Variants in TMC6 observed in about 807,000 individuals in gnomAD.
The protein encoded by TMC6 is transmembrane channel like 6.
Under a neutral mutation model 95.4 loss-of-function variants are expected in TMC6, and 71 were observed. That is an observed-to-expected ratio of 0.74 (90% CI 0.61 to 0.91). TMC6 has a LOEUF of 0.91. TMC6 is among the 40% of genes least tolerant of loss of function. The pLI, the probability that TMC6 is intolerant of heterozygous loss-of-function variation, is 0.00. For missense variants in TMC6, 1,074 were observed against 1,079.1 expected (o/e 1.00, Z 0.07); for synonymous variants, 514 against 483.1 (o/e 1.06, Z -0.84).
At chr17:78,117,146 T>C (rs1407528211) in intron 18 of TMC6, 123 bp downstream of exon 18, 14 of 1,025,264 alleles carry the variant, frequency 1.4e-5, no homozygotes, top group Admixed American at 9.7e-5. Flanking sequence ...GGTCACTTGT[T>C]TGGCAAACAA....
chr17:78,115,904 G>A (rs1042057609), intron 18 of TMC6, among the ~76,000 whole-genome samples: 5 of 149,220 alleles, frequency 3.4e-5, no homozygotes, highest in Non-Finnish European at 4.5e-5. Context: ...GAAGGGAGTG[G>A]GCACAGGGGC....
upstream of TMC6, among the ~76,000 whole-genome samples, chr17:78,130,410 G>T (rs537266433): frequency 1.3e-5 from 2 of 152,200 alleles, no homozygotes; most frequent in African/African-American, 2.4e-5. Context: ...CTCAGGCCTC[G>T]AGGTCAAGTC....
Position 78,124,795 on chromosome 17 carries a change from CAG to C in TMC6, c.634-16_634-15del. ...GCTGTGCAAGGCCTGCGGGCACAGG[CAG>C]AGAGGCCCTGAGGGTGAGGCCGGAG... is the stretch of plus-strand genomic sequence containing the variant. On this transcript the variant is annotated splice_polypyrimidine_tract_variant and intron_variant, in intron 7 of 19. Coordinates refer to ENST00000590602, the MANE Select transcript of TMC6 (RefSeq NM_001127198.5). 6.3e-7 allele frequency: 1 copy of C among 1,579,252 alleles called. No homozygotes were observed. The highest frequency in any genetic ancestry group is 1.3e-5 in the African/African-American group (1 of 74,362).
intron 1 of TMC6, among the ~76,000 whole-genome samples, chr17:78,127,720 A>T (rs1468151119): frequency 6.6e-6 from 1 of 152,190 alleles, no homozygotes; most frequent in Admixed American, 6.5e-5. Flanking sequence ...TCAGGAACTC[A>T]GGGCTCAAAG....
chr17:78,131,624 C>G, upstream of TMC6: 1 of 1,551,956 alleles, frequency 6.4e-7, no homozygotes, highest in Non-Finnish European at 8.7e-7. Flanking sequence ...CGGAGCGGGC[C>G]CCTGGGGTGC....
chr17:78,107,767 C>G lies in TMC6; in HGVS notation c.*5381G>C, dbSNP rs2073727396. 1 of 152,246 alleles carries G rather than the reference C, an allele frequency of 6.6e-6. No individual in the cohort carries two copies. Among genetic ancestry groups the G allele is most frequent in the South Asian group, 2.1e-4 (1 of 4,830 alleles). The allele number at this position is 152,246 out of a possible 1,614,324, so 9.4% of individuals were successfully genotyped here. On this transcript the variant is annotated 3_prime_UTR_variant, in exon 20 of 20. Transcript: ENST00000590602. ...TAACTTCTGTTGTCTGGGACGGCAG[C>G]AAGAAGATGCCGGGGCTTGCCTGGA...
In TMC6 at chr17:78,121,822, C is replaced by A. The variant is rs2074430151; in HGVS notation, c.1228-111G>T. The A allele has an allele frequency of 7.2e-7, 1 of 1,385,534 alleles. No homozygotes were observed. The highest frequency in any genetic ancestry group is 9.5e-7 in the Non-Finnish European group (1 of 1,048,334). The allele number at this position is 1,385,534 out of a possible 1,614,324, so 85.8% of individuals were successfully genotyped here. On this transcript the variant is annotated intron_variant, in intron 10 of 19. Transcript: ENST00000590602. The surrounding 1 kb of genome is among the most constrained non-coding windows in gnomAD (Gnocchi z 5.6). ...CATGAGACACACCAGGAGGCTTGAA[C>A]CAGGACAGAGGGCCAGTTCCCCATG... is the stretch of plus-strand genomic sequence containing the variant.
intron 9 of TMC6, among the ~76,000 whole-genome samples, chr17:78,123,444 C>G (rs1481521898): frequency 7.0e-6 from 1 of 143,784 alleles, no homozygotes; most frequent in Non-Finnish European, 1.5e-5. Flanking sequence ...GATGGATGTG[C>G]GAATGGATGG....
In TMC6 at chr17:78,124,438, C is replaced by T. The variant is rs550576299; in HGVS notation, c.891+86G>A. 6.9e-6 allele frequency: 11 copies of T among 1,585,914 alleles called. No individual in the cohort carries two copies. The East Asian group carries it at 2.5e-4, about 36-fold the overall frequency. On this transcript the variant is annotated intron_variant, in intron 8 of 19. Coordinates refer to ENST00000590602, the MANE Select transcript of TMC6 (RefSeq NM_001127198.5). ...ACAGCGGGGCAAGGGTTGGGGGCCC[C>T]AGGGGAGCTGGGACAAGAAGGGAAC...
Position 78,112,307 on chromosome 17 carries a change from T to C in TMC6, c.*841A>G, listed in dbSNP as rs1598811271. ...GCAGACCTGGAGCCCTGGGCTGTCA[T>C]GGGCTGGTCCCTGCAGACCTGGAGC... On this transcript the variant is annotated 3_prime_UTR_variant, in exon 20 of 20. Coordinates refer to ENST00000590602, the MANE Select transcript of TMC6 (RefSeq NM_001127198.5). 18 of 229,298 alleles carry C rather than the reference T, an allele frequency of 7.9e-5. No individual in the cohort carries two copies. The highest frequency in any genetic ancestry group is 6.9e-4 in the South Asian group (17 of 24,738). The allele number at this position is 229,298 out of a possible 1,614,324, so 14.2% of individuals were successfully genotyped here. A position where few individuals can be genotyped will look rare whatever the true frequency, so the allele number is the denominator to read the frequency against.
At chr17:78,123,519 G>A (rs1159505499) in intron 9 of TMC6, among the ~76,000 whole-genome samples, 2 of 151,184 alleles carry the variant, frequency 1.3e-5, no homozygotes. Flanking sequence ...CTGAGTGGAT[G>A]GATGGGTGGG....
intron 13 of TMC6, 151 bp from the exon 14 acceptor site, chr17:78,119,543 GGGACCCCACCAGGT>G: frequency 2.5e-6 from 2 of 808,392 alleles, no homozygotes; most frequent in Non-Finnish European, 4.2e-6. Context: ...ACCAGCCTGG[GGGACCCCACCAGGT>G]GCTTGGTCAC....
rs61739261 is a variant in TMC6 at position 78,121,066 on chromosome 17, G to A, written c.1482C>T (p.Ala494=). The change falls in exon 12 of 20, where the codon GCC becomes GCT. Residue 494 remains alanine (A), a synonymous_variant. Coordinates refer to ENST00000590602, the MANE Select transcript of TMC6 (RefSeq NM_001127198.5). This position sits in a 1 kb window ranked among gnomAD's most constrained non-coding sequence, Gnocchi z 5.6. ...LGAPYLCRVL[A]ALEPHDSPVL... is the part of the protein sequence containing the mutation. ...CCGGGGAGTCATGCGGCTCCAGGGC[G>A]GCCAGGACACGGCACAGGTAGGGGG... 6,142 of 1,613,194 alleles carry A rather than the reference G, an allele frequency of 3.8e-3. 94 individuals are homozygous for A. In the African/African-American group the frequency reaches 0.042, roughly 11 times the overall value.
chr17:78,118,968 C>A lies in TMC6; in HGVS notation c.1887+3G>T. 6.3e-7 allele frequency: 1 copy of A among 1,596,822 alleles called. No individual in the cohort carries two copies. Reference sequence around the variant, plus strand: ...AGCCCTCCCCAGGCCTTGGCAGCCTCACCTTCTTGACATAGAAGACGAGCA... The same window carrying A: ...AGCCCTCCCCAGGCCTTGGCAGCCTAACCTTCTTGACATAGAAGACGAGCA... On this transcript the variant is annotated splice_donor_region_variant and intron_variant, in intron 15 of 19. Transcript: ENST00000590602.
chr17:78,110,298 C>T lies in TMC6; in HGVS notation c.*2850G>A, dbSNP rs2073800360. ...CCGAGGCGGGCAGATCACTTGAGGT[C>T]AGGAGATCTTGACCAGCCTGACCAT... On this transcript the variant is annotated 3_prime_UTR_variant, in exon 20 of 20. Coordinates refer to ENST00000590602, the MANE Select transcript of TMC6 (RefSeq NM_001127198.5). 1 of 152,136 alleles carries T rather than the reference C, an allele frequency of 6.6e-6. No homozygotes were observed. The highest frequency in any genetic ancestry group is 1.5e-5 in the Non-Finnish European group (1 of 68,178). The allele number at this position is 152,136 out of a possible 1,614,324, so 9.4% of individuals were successfully genotyped here.
At chr17:78,117,194 G>A (rs539598980) in intron 18 of TMC6, 75 bp downstream of exon 18, 147 of 1,499,852 alleles carry the variant, frequency 9.8e-5, no homozygotes, top group Non-Finnish European at 1.3e-4. Context: ...AGATGTACAG[G>A]GGAGTGGAGG....
chr17:78,125,894 C>T lies in TMC6; in HGVS notation c.272-10G>A, dbSNP rs914501619. On this transcript the variant is annotated splice_polypyrimidine_tract_variant and intron_variant, in intron 4 of 19. Transcript: ENST00000590602. ...GCACCTCGGCTGCGGCCTATGGAGG[C>T]AGCTGGGCAGGGCCGGGCCGGGCAG... is the stretch of plus-strand genomic sequence containing the variant. 1 of 1,550,438 alleles carries T rather than the reference C, an allele frequency of 6.4e-7. No homozygotes were observed. Among genetic ancestry groups the T allele is most frequent in the Non-Finnish European group, 8.7e-7 (1 of 1,146,882 alleles).
rs1307509797 is a variant in TMC6 at position 78,122,938 on chromosome 17, GCAC to G, written c.1083-192_1083-190del. On this transcript the variant is annotated intron_variant, in intron 9 of 19. Transcript: ENST00000590602. This position sits in a 1 kb window ranked among gnomAD's most constrained non-coding sequence, Gnocchi z 4.9. Reference sequence around the variant, plus strand: ...CTCTACACCAGTCTCATCCAACATAGCACCCACCAGCCACATCTGCCTAGAAGA... The same window carrying G: ...CTCTACACCAGTCTCATCCAACATAGCCACCAGCCACATCTGCCTAGAAGA... The G allele has an allele frequency of 3.0e-5, 22 of 737,556 alleles. No individual in the cohort carries two copies. In the East Asian group the frequency reaches 5.4e-4, roughly 18 times the overall value. The allele number at this position is 737,556 out of a possible 1,614,324, so 45.7% of individuals were successfully genotyped here. A position where few individuals can be genotyped will look rare whatever the true frequency, so the allele number is the denominator to read the frequency against.
intron 5 of TMC6, among the ~76,000 whole-genome samples, chr17:78,125,476 C>T (rs542262975): frequency 2.1e-4 from 32 of 152,392 alleles, no homozygotes; most frequent in Admixed American, 6.5e-4. Flanking sequence ...TTCCCACGCA[C>T]GGTCCCCGAC....
Sources: gnomAD v4.1 joint callset for allele counts (sites outside exome capture counted in the v4.1 genomes callset) on GRCh38, gnomAD v4.1.1 for gene constraint, Gnocchi (gnomAD v3.1) non-coding constraint, MANE v1.5 for transcripts, NCBI Gene and HGNC (gene_info 2026-07-23, HGNC 2026-07-21) for gene names.